Variants in SEM1 observed in about 807,000 individuals in gnomAD.
The protein encoded by SEM1 is SEM1 26S proteasome subunit, also known as 26S proteasome complex subunit SEM1.
Under a neutral mutation model 12.7 loss-of-function variants are expected in SEM1, and 3 were observed. That is an observed-to-expected ratio of 0.24 (90% CI 0.11 to 0.61). SEM1 has a LOEUF of 0.61. Ranked by LOEUF, SEM1 falls within the 20% of genes least tolerant of loss-of-function variation. The pLI is 0.88. For missense variants in SEM1, 59 were observed against 81.3 expected (o/e 0.73, Z 1.06); for synonymous variants, 30 against 27.8 (o/e 1.08, Z -0.25).
intron 2 of SEM1, among the ~76,000 whole-genome samples, chr7:96,598,205 A>T (rs1206047618): frequency 6.6e-6 from 1 of 152,156 alleles, no homozygotes; most frequent in African/African-American, 2.4e-5. Flanking sequence ...GAATTTTAAA[A>T]CTCAAAAAAA....
chr7:96,610,697 G>A (rs975711839), intron 2 of SEM1, among the ~76,000 whole-genome samples: 6 of 152,160 alleles, frequency 3.9e-5, no homozygotes, highest in Non-Finnish European at 7.3e-5. Flanking sequence ...TACAGTCTTG[G>A]TCAATGGCTT....
At chr7:96,591,094 G>C (rs200178065) in intron 2 of SEM1, among the ~76,000 whole-genome samples, 2 of 151,990 alleles carry the variant, frequency 1.3e-5, no homozygotes, top group Non-Finnish European at 2.9e-5. Context: ...GTAATGGCTT[G>C]TCAGGTGTTC....
intron 2 of SEM1, among the ~76,000 whole-genome samples, chr7:96,575,748 A>G (rs531590033): frequency 1.2e-4 from 19 of 152,210 alleles, no homozygotes; most frequent in Non-Finnish European, 2.8e-4. Context: ...TGACTTTTTA[A>G]TAATAGCCAT....
intron 2 of SEM1, among the ~76,000 whole-genome samples, chr7:96,628,761 A>T (rs1808154134): frequency 6.6e-6 from 1 of 152,022 alleles, no homozygotes; most frequent in Non-Finnish European, 1.5e-5. Context: ...ATGATTTTAT[A>T]TTGCTCATTA....
intron 2 of SEM1, among the ~76,000 whole-genome samples, chr7:96,661,977 A>G (rs1789016056): frequency 6.8e-6 from 1 of 147,100 alleles, no homozygotes; most frequent in East Asian, 2.0e-4. Context: ...AACAAGAGCA[A>G]AACTCCGTCT....
At chr7:96,660,476 A>G (rs183504712) in intron 2 of SEM1, among the ~76,000 whole-genome samples, 197 of 152,294 alleles carry the variant, frequency 1.3e-3, no homozygotes, top group African/African-American at 4.6e-3. Flanking sequence ...GTATATAAGT[A>G]CCACTCTGAA....
upstream of SEM1, among the ~76,000 whole-genome samples, chr7:96,500,913 C>G (rs979591569): frequency 6.6e-6 from 1 of 152,136 alleles, no homozygotes; most frequent in Non-Finnish European, 1.5e-5. Context: ...CCTTCAAAAT[C>G]TGGATCTTGT....
chr7:96,588,552 A>C (rs552337727), intron 2 of SEM1, among the ~76,000 whole-genome samples: 1 of 152,272 alleles, frequency 6.6e-6, no homozygotes, highest in East Asian at 1.9e-4. Context: ...TTTTCTTTCC[A>C]TTTTGAACTC....
chr7:96,521,149 AG>A, intron 2 of SEM1, among the ~76,000 whole-genome samples: 1 of 152,116 alleles, frequency 6.6e-6, no homozygotes, highest in East Asian at 1.9e-4. Context: ...AGGGCGAAAA[AG>A]GAGGGCCTGC....
intron 2 of SEM1, among the ~76,000 whole-genome samples, chr7:96,580,126 C>G (rs550209375): frequency 2.4e-5 from 3 of 126,398 alleles, no homozygotes; most frequent in South Asian, 3.2e-4. Context: ...CCCCTCCCCC[C>G]ACCCCACAAC....
intron 3 of SEM1, among the ~76,000 whole-genome samples, chr7:96,484,146 C>G (rs1030328729): frequency 2.6e-5 from 4 of 151,912 alleles, no homozygotes; most frequent in Non-Finnish European, 5.9e-5. Context: ...AGTAAGTTCC[C>G]CAAAAAAAGA....
intron 1 of SEM1, chr7:96,695,117 C>G (rs1166265316): frequency 1.8e-5 from 6 of 337,954 alleles, no homozygotes; most frequent in Non-Finnish European, 3.2e-5. Flanking sequence ...ATTCTACTTG[C>G]CAAGAAACTT....
At chr7:96,552,895 T>C (rs1475743239) in intron 2 of SEM1, among the ~76,000 whole-genome samples, 1 of 149,412 alleles carries the variant, frequency 6.7e-6, no homozygotes, top group African/African-American at 2.4e-5. Flanking sequence ...TTCTAACTGG[T>C]GTGAGATGGT....
intron 2 of SEM1, among the ~76,000 whole-genome samples, chr7:96,519,856 C>A (rs544160668): frequency 1.9e-4 from 29 of 151,974 alleles, no homozygotes; most frequent in Non-Finnish European, 4.3e-4. Context: ...TTAAAAAGAG[C>A]AAGCTTATTT....
exon 2 of SEM1, chr7:96,486,281 T>C (rs1038499078): frequency 2.0e-6 from 3 of 1,537,084 alleles, no homozygotes; most frequent in African/African-American, 2.7e-5. Flanking sequence ...AAAGGCCGGA[T>C]GCTTACTCTC....
intron 2 of SEM1, among the ~76,000 whole-genome samples, chr7:96,590,812 T>C (rs1434385791): frequency 1.3e-5 from 2 of 152,154 alleles, no homozygotes; most frequent in East Asian, 1.9e-4. Flanking sequence ...CCAAAATCAT[T>C]TGTAGAAACA....
At chr7:96,551,505 G>T (rs1805269812) in intron 2 of SEM1, among the ~76,000 whole-genome samples, 1 of 151,938 alleles carries the variant, frequency 6.6e-6, no homozygotes, top group Admixed American at 6.6e-5. Flanking sequence ...TTCAAGACCA[G>T]CCTGGCCAAC....
chr7:96,695,069 A>C lies in SEM1; in HGVS notation c.77-178T>G, dbSNP rs1199985666. On this transcript the variant is annotated intron_variant, in intron 1 of 2. Coordinates refer to ENST00000248566, the MANE Select transcript of SEM1 (RefSeq NM_006304.2). ...TGCTGTCTAGTTCTCTCAATTCTTG[A>C]GTTTGCAGATAACCTAAAACAGAAG... The C allele has an allele frequency of 7.6e-5, 31 of 410,380 alleles. No homozygotes were observed. In the East Asian group the frequency reaches 1.1e-3, roughly 14 times the overall value. The allele number at this position is 410,380 out of a possible 1,614,324, so 25.4% of individuals were successfully genotyped here.
intron 2 of SEM1, among the ~76,000 whole-genome samples, chr7:96,598,661 T>A (rs746003260): frequency 6.6e-6 from 1 of 152,144 alleles, no homozygotes; most frequent in African/African-American, 2.4e-5. Context: ...GGCATTTCTC[T>A]GGGAGGAAAA....
Sources: gnomAD v4.1 joint callset for allele counts (sites outside exome capture counted in the v4.1 genomes callset) on GRCh38, gnomAD v4.1.1 for gene constraint, MANE v1.5 for transcripts, NCBI Gene and HGNC (gene_info 2026-07-23, HGNC 2026-07-21) for gene names.